The following NAPG variants were observed in gnomAD, a reference collection of about 807,000 sequenced individuals.
NAPG encodes NSF attachment protein gamma, also known as gamma-soluble NSF attachment protein.
Under a neutral mutation model 48.4 loss-of-function variants are expected in NAPG, and 25 were observed. The observed-to-expected ratio is 0.52, with a 90% CI of 0.38 to 0.72. NAPG has a LOEUF of 0.72. NAPG is among the 30% of genes least tolerant of loss of function. NAPG has a pLI of 0.00. For missense variants in NAPG, 359 were observed against 372.5 expected, an observed-to-expected ratio of 0.96 and a Z score of 0.30; for synonymous variants, 139 against 127.2, an observed-to-expected ratio of 1.09 and a Z score of -0.62.
intron 1 of NAPG, among the ~76,000 whole-genome samples, chr18:10,527,713 T>C (rs2031847907): frequency 7.3e-6 from 1 of 136,518 alleles, no homozygotes; most frequent in Non-Finnish European, 1.5e-5. Flanking sequence ...ACCTGTAGTA[T>C]GTATTATACG....
intron 1 of NAPG, 88 bp downstream of exon 1, chr18:10,526,246 G>GGGGGGGTGGCC: frequency 2.0e-6 from 1 of 490,186 alleles, no homozygotes; most frequent in South Asian, 1.5e-5. Flanking sequence ...GGGCGGGAGG[G>GGGGGGGTGGCC]AGGGCTCAGG....
intron 7 of NAPG, 129 bp downstream of exon 7, chr18:10,540,183 T>C (rs2032121794): frequency 1.9e-6 from 2 of 1,056,176 alleles, no homozygotes; most frequent in African/African-American, 1.6e-5. Flanking sequence ...CTATTTCTTT[T>C]CTGTTAGAGA....
Position 10,548,907 on chromosome 18 carries a change from C to CT in NAPG, c.666-59dup, listed in dbSNP as rs1717273384. ...TCACATGCCAGGGGCAGAATCATCC[C>CT]TGCCTGAGATGTGTTCTTTTAAGGA... On this transcript the variant is annotated intron_variant, in intron 10 of 11. Transcript: ENST00000322897. The surrounding 1 kb of genome is among the most constrained non-coding windows in gnomAD (Gnocchi z 4.4). 1 of 1,578,028 alleles carries CT rather than the reference C, an allele frequency of 6.3e-7. No homozygotes were observed. Among genetic ancestry groups the CT allele is most frequent in the East Asian group, 2.3e-5 (1 of 44,168 alleles).
At chr18:10,526,314 G>C (rs181356797) in intron 1 of NAPG, 156 bp downstream of exon 1, 1 of 708,268 alleles carries the variant, frequency 1.4e-6, no homozygotes. Flanking sequence ...GTGTCCTCTG[G>C]GTCACACTCC....
At chr18:10,529,171 G>C (rs969065289) in intron 1 of NAPG, among the ~76,000 whole-genome samples, 2 of 152,124 alleles carry the variant, frequency 1.3e-5, no homozygotes, top group Admixed American at 6.5e-5. Flanking sequence ...ATTAGGTGAC[G>C]GAGTGATTGT....
chr18:10,549,882 T>C (rs1423802135), intron 11 of NAPG, among the ~76,000 whole-genome samples, 195 bp from the exon 12 acceptor site: 1 of 152,184 alleles, frequency 6.6e-6, no homozygotes, highest in African/African-American at 2.4e-5. Flanking sequence ...ATTGAAACTT[T>C]TACTAGTTGT....
intron 4 of NAPG, 97 bp downstream of exon 4, chr18:10,533,650 G>T (rs2031975419): frequency 5.8e-6 from 6 of 1,034,584 alleles, no homozygotes; most frequent in South Asian, 3.2e-5. Flanking sequence ...TATAAATTTT[G>T]TATTGATTTA....
intron 11 of NAPG, 44 bp downstream of exon 11, chr18:10,549,140 G>C (rs2032331776): frequency 1.9e-6 from 3 of 1,570,484 alleles, no homozygotes; most frequent in African/African-American, 2.7e-5. Context: ...TCTCTTGAAA[G>C]AAAGAGGTTT....
chr18:10,536,924 T>A (rs1032615065), intron 5 of NAPG, among the ~76,000 whole-genome samples: 2 of 151,780 alleles, frequency 1.3e-5, no homozygotes, highest in Non-Finnish European at 2.9e-5. Context: ...TACATATAAC[T>A]TTTTACTCCC....
At chr18:10,547,360 G>GAAT (rs1298087254) in intron 9 of NAPG, among the ~76,000 whole-genome samples, 2 of 152,134 alleles carry the variant, frequency 1.3e-5, no homozygotes, top group Non-Finnish European at 2.9e-5. Context: ...GTACAATCCA[G>GAAT]AATTACTCAA....
At position 10,550,322 on chromosome 18, in the gene NAPG, C is replaced by T; in HGVS notation, c.*102C>T. The stretch of plus-strand genomic sequence containing the variant: ...AGGGATATCCGTACTTCATTACAGT[C>T]ATGATTTTGGATCCTAATAAAGACT... On this transcript the variant is annotated 3_prime_UTR_variant, in exon 12 of 12. Coordinates refer to ENST00000322897, the MANE Select transcript of NAPG (RefSeq NM_003826.3). 1.5e-6 allele frequency: 2 copies of T among 1,293,876 alleles called. No homozygotes were observed. The highest frequency in any genetic ancestry group is 1.9e-4 in the Middle Eastern group (1 of 5,168). The allele number at this position is 1,293,876 out of a possible 1,614,324, so 80.1% of individuals were successfully genotyped here.
At position 10,526,107 on chromosome 18, in the gene NAPG, C is replaced by T; in HGVS notation, c.5C>T (p.Ala2Val). The T allele has an allele frequency of 6.2e-7, 1 of 1,613,534 alleles. No individual in the cohort carries two copies. Among genetic ancestry groups the T allele is most frequent in the Non-Finnish European group, 8.5e-7 (1 of 1,179,576 alleles). Reference sequence around the variant, plus strand: ...GTCAGAGACCTGACTGTGGAGATGGCGGCTCAGAAGATAAACGAGGGGCTG... The same window carrying T: ...GTCAGAGACCTGACTGTGGAGATGGTGGCTCAGAAGATAAACGAGGGGCTG... MAAQKINEGLEH... is the reference protein window; with the variant it reads MVAQKINEGLEH... Residue 2 changes from alanine to valine, a missense_variant, in exon 1 of 12, where the codon GCG (alanine) becomes GTG (valine). By Grantham distance (64) the Ala-to-Val change is moderately conservative (BLOSUM62 0). Transcript: ENST00000322897.
Position 10,528,547 on chromosome 18 carries a change from A to G in NAPG, c.57-2223A>G, listed in dbSNP as rs572224891. ...TGCCAGACATGTTAGTGGGTTGTCGACTTCAGGGGAGAGGTGGTGATGGCC... is the reference window on the plus strand; with the variant it reads ...TGCCAGACATGTTAGTGGGTTGTCGGCTTCAGGGGAGAGGTGGTGATGGCC... On this transcript the variant is annotated intron_variant, in intron 1 of 11. Coordinates refer to ENST00000322897, the MANE Select transcript of NAPG (RefSeq NM_003826.3). 2.0e-5 allele frequency among the ~76,000 whole-genome samples: 3 copies of G among 152,360 alleles called. No individual in the cohort carries two copies. The South Asian group carries it at 6.2e-4, about 32-fold the overall frequency.
rs1432042774 is a variant in NAPG, at chr18:10,544,387, G to A, written c.507-1939G>A. ...GTCGGAGGGGGCTGATCTCACCGGA[G>A]GCTTGGGTCCTTTTCCAAGCTCATT... On this transcript the variant is annotated intron_variant, in intron 8 of 11. Coordinates refer to ENST00000322897, the MANE Select transcript of NAPG (RefSeq NM_003826.3). This position sits in a 1 kb window ranked among gnomAD's most constrained non-coding sequence, Gnocchi z 5.1. Among the ~76,000 whole-genome samples, 1 of 152,218 alleles carries A rather than the reference G, an allele frequency of 6.6e-6. No homozygotes were observed. Among genetic ancestry groups the A allele is most frequent in the Non-Finnish European group, 1.5e-5 (1 of 68,038 alleles).
At position 10,539,926 on chromosome 18, in the gene NAPG, G is replaced by A. The variant is rs969785219; in HGVS notation, c.368+55G>A. On this transcript the variant is annotated intron_variant, in intron 6 of 11. Transcript: ENST00000322897. The surrounding 1 kb of genome is among the most constrained non-coding windows in gnomAD (Gnocchi z 4.7). ...AGAAGTCTTGTCTTTTTGTTTTAAA[G>A]AGGTCCCTGAAAAACAAGTTTTCCA... 3.7e-6 allele frequency: 6 copies of A among 1,607,834 alleles called. No individual in the cohort carries two copies. Among genetic ancestry groups the A allele is most frequent in the Non-Finnish European group, 5.1e-6 (6 of 1,175,642 alleles).
At chr18:10,536,787 A>G (rs908404617) in intron 5 of NAPG, among the ~76,000 whole-genome samples, 1 of 152,034 alleles carries the variant, frequency 6.6e-6, no homozygotes, top group African/African-American at 2.4e-5. Flanking sequence ...TATCCTCCCA[A>G]ATGCTTTTAT....
intron 5 of NAPG, among the ~76,000 whole-genome samples, chr18:10,536,242 A>C (rs1229198772): frequency 6.6e-6 from 1 of 152,228 alleles, no homozygotes; most frequent in Non-Finnish European, 1.5e-5. Context: ...CAGATGAAGG[A>C]AAATGCTTTC....
intron 1 of NAPG, among the ~76,000 whole-genome samples, chr18:10,529,316 CA>C (rs2031882299): frequency 6.6e-6 from 1 of 152,188 alleles, no homozygotes; most frequent in Non-Finnish European, 1.5e-5. Context: ...AGACACACCA[CA>C]ATTTAAGGAT....
In NAPG at chr18:10,548,539, C is replaced by CT. The variant is rs377525469; in HGVS notation, c.665+173dup. Reference sequence around the variant, plus strand: ...ATCTTTTACAGTGGGTGTTTTACACCTTTTTTTTTTTTCCCTTTCCTGTAT... The same window carrying CT: ...ATCTTTTACAGTGGGTGTTTTACACCTTTTTTTTTTTTTCCCTTTCCTGTAT... On this transcript the variant is annotated intron_variant, in intron 10 of 11. Transcript: ENST00000322897. This position sits in a 1 kb window ranked among gnomAD's most constrained non-coding sequence, Gnocchi z 4.4. Among the ~76,000 whole-genome samples the CT allele has an allele frequency of 0.055, 7,989 of 144,208 alleles. 611 individuals carry two copies. Among genetic ancestry groups the CT allele is most frequent in the African/African-American group, 0.18 (7,078 of 39,472 alleles). The allele number at this position is 144,208 out of a possible 152,430, so 94.6% of individuals were successfully genotyped here. A position where few individuals can be genotyped will look rare whatever the true frequency, so the allele number is the denominator to read the frequency against.
Sources: gnomAD v4.1 joint callset for allele counts (sites outside exome capture counted in the v4.1 genomes callset) on GRCh38, gnomAD v4.1.1 for gene constraint, Gnocchi (gnomAD v3.1) non-coding constraint, MANE v1.5 for transcripts, NCBI Gene and HGNC (gene_info 2026-07-23, HGNC 2026-07-21) for gene names.